NLN: variants seen among roughly 807,000 people sequenced by gnomAD.
NLN encodes the protein neurolysin.
In NLN, 64 loss-of-function variants were observed where a neutral mutation model predicts 79.9. That is an observed-to-expected ratio of 0.80 (90% CI 0.65 to 0.99). NLN has a LOEUF of 0.99. Among genes scored for constraint, NLN ranks in the 50% least tolerant of loss-of-function variants. The pLI is 0.00. For synonymous variants in NLN, 267 were observed against 296.6 expected (o/e 0.90, Z 1.02); for missense variants, 835 against 858.7 (o/e 0.97, Z 0.34).
intron 12 of NLN, among the ~76,000 whole-genome samples, chr5:65,813,561 T>C (rs1579971361): frequency 6.6e-6 from 1 of 152,040 alleles, no homozygotes; most frequent in South Asian, 2.1e-4. Flanking sequence ...ATTCCCCTTA[T>C]TGATTTCCCT....
chr5:65,757,002 C>A (rs1013988282), intron 1 of NLN, among the ~76,000 whole-genome samples: 7 of 152,160 alleles, frequency 4.6e-5, no homozygotes, highest in Non-Finnish European at 8.8e-5. Flanking sequence ...GGGTTCCCTT[C>A]GTTTGGAGTT....
At chr5:65,725,295 G>A (rs1238235074) in intron 1 of NLN, among the ~76,000 whole-genome samples, 1 of 152,146 alleles carries the variant, frequency 6.6e-6, no homozygotes, top group Non-Finnish European at 1.5e-5. Flanking sequence ...AGATAATCAT[G>A]GATGTTCTTT....
intron 1 of NLN, among the ~76,000 whole-genome samples, chr5:65,723,573 G>A (rs1001961155): frequency 2.0e-5 from 3 of 152,092 alleles, no homozygotes; most frequent in Non-Finnish European, 4.4e-5. Flanking sequence ...CCAGCACTTT[G>A]GGAGGCCGAG....
intron 4 of NLN, among the ~76,000 whole-genome samples, chr5:65,778,997 A>G (rs1024158322): frequency 8.5e-5 from 13 of 152,130 alleles, no homozygotes; most frequent in African/African-American, 3.1e-4. Flanking sequence ...TAGAAGTCAC[A>G]CACCTAGAGT....
chr5:65,730,392 G>A (rs252645), intron 1 of NLN, among the ~76,000 whole-genome samples: 82,173 of 151,944 alleles, frequency 0.54, 22,552 homozygotes, highest in South Asian at 0.61. Flanking sequence ...CAGGAGAAAC[G>A]GCACACACCA....
At chr5:65,726,643 T>C (rs1295112469) in intron 1 of NLN, among the ~76,000 whole-genome samples, 3 of 152,230 alleles carry the variant, frequency 2.0e-5, no homozygotes, top group Non-Finnish European at 4.4e-5. Context: ...TCTTTGTTTA[T>C]GCATGGAAGA....
chr5:65,779,263 G>A (rs971718123), intron 4 of NLN, among the ~76,000 whole-genome samples: 1 of 152,090 alleles, frequency 6.6e-6, no homozygotes, highest in Non-Finnish European at 1.5e-5. Flanking sequence ...AACTTCCCTG[G>A]TGATGCTGAT....
rs745638568 is a variant in NLN at position 65,729,564 on chromosome 5, C to T, written c.41+7150C>T. ...TAATATTTTGTATTTTTAGCAGAGACGGGGTTTTACCATGTTGGCTAGGCT... is the reference window on the plus strand; with the variant it reads ...TAATATTTTGTATTTTTAGCAGAGATGGGGTTTTACCATGTTGGCTAGGCT... On this transcript the variant is annotated intron_variant, in intron 1 of 12. Coordinates refer to ENST00000380985, the MANE Select transcript of NLN (RefSeq NM_020726.5). 4.6e-5 allele frequency among the ~76,000 whole-genome samples: 7 copies of T among 151,844 alleles called. No individual in the cohort carries two copies. The East Asian group carries it at 7.7e-4, about 17-fold the overall frequency.
intron 9 of NLN, among the ~76,000 whole-genome samples, chr5:65,795,313 G>C (rs1310390331): frequency 6.6e-6 from 1 of 152,214 alleles, no homozygotes; most frequent in Non-Finnish European, 1.5e-5. Context: ...GTTTGAGCCT[G>C]GAAGGTGGAA....
intron 9 of NLN, among the ~76,000 whole-genome samples, chr5:65,805,953 A>G (rs150929963): frequency 3.0e-4 from 46 of 152,342 alleles, no homozygotes; most frequent in African/African-American, 1.1e-3. Context: ...AAAATTCTAG[A>G]GCCCTTAAGA....
chr5:65,789,717 C>A (rs1760014187), intron 8 of NLN, among the ~76,000 whole-genome samples: 1 of 152,202 alleles, frequency 6.6e-6, no homozygotes, highest in South Asian at 2.1e-4. Flanking sequence ...CACTATACTC[C>A]AGCCAGGGCG....
At chr5:65,758,426 A>G (rs1759266854) in intron 1 of NLN, 141 bp from the exon 2 acceptor site, 2 of 550,184 alleles carry the variant, frequency 3.6e-6, no homozygotes, top group East Asian at 2.9e-5. Context: ...TTTTGTGCAT[A>G]TGTGTTCACC....
Position 65,752,465 on chromosome 5 carries a change from G to A in NLN, c.42-6102G>A, listed in dbSNP as rs540198846. ...CTGTAGGAAAAGACAGGCTCATGCC[G>A]TTTGTCTGCTTTTGACTTATGTAGC... On this transcript the variant is annotated intron_variant, in intron 1 of 12. Coordinates refer to ENST00000380985, the MANE Select transcript of NLN (RefSeq NM_020726.5). Among the ~76,000 whole-genome samples the A allele has an allele frequency of 1.1e-4, 16 of 152,252 alleles. No individual in the cohort carries two copies. The South Asian group carries it at 2.5e-3, about 24-fold the overall frequency.
chr5:65,809,930 T>A (rs1760506446), intron 10 of NLN, 107 bp from the exon 11 acceptor site: 1 of 1,286,534 alleles, frequency 7.8e-7, no homozygotes, highest in Admixed American at 1.9e-5. Context: ...CCTGCTCCCA[T>A]TTTGTGAGTA....
At chr5:65,775,806 G>A (rs1365188674) in intron 3 of NLN, among the ~76,000 whole-genome samples, 2 of 152,196 alleles carry the variant, frequency 1.3e-5, no homozygotes, top group Non-Finnish European at 2.9e-5. Flanking sequence ...TAGCTAGGGA[G>A]GGTTCCAACT....
chr5:65,807,129 A>G (rs540935546), intron 9 of NLN, among the ~76,000 whole-genome samples: 2 of 151,736 alleles, frequency 1.3e-5, no homozygotes, highest in East Asian at 1.9e-4. Context: ...GTGAGCTGAG[A>G]TCATACCACT....
Position 65,792,452 on chromosome 5 carries a change from A to G in NLN, c.1326-2A>G, listed in dbSNP as rs767596497. On this transcript the variant is annotated splice_acceptor_variant, in intron 8 of 12. Transcript: ENST00000380985. LOFTEE classifies it high-confidence loss of function. ...TTGCCAACGCGTGTTTCTGGCTCCTAGGGAAGGAAAATACAATCATGCGGC... is the reference window on the plus strand; with the variant it reads ...TTGCCAACGCGTGTTTCTGGCTCCTGGGGAAGGAAAATACAATCATGCGGC... The G allele has an allele frequency of 3.1e-6, 5 of 1,610,164 alleles. No homozygotes were observed. In the South Asian group the frequency reaches 4.4e-5, roughly 14 times the overall value.
At chr5:65,814,081 C>T (rs1031990589) in intron 12 of NLN, among the ~76,000 whole-genome samples, 1 of 145,734 alleles carries the variant, frequency 6.9e-6, no homozygotes, top group Middle Eastern at 3.8e-3. Context: ...AAAAAACTTG[C>T]TACTGACTCT....
chr5:65,725,202 G>A (rs965715777), intron 1 of NLN, among the ~76,000 whole-genome samples: 1 of 152,154 alleles, frequency 6.6e-6, no homozygotes. Context: ...CTGCTGCACT[G>A]TTTCATTTTG....
Sources: gnomAD v4.1 joint callset for allele counts (sites outside exome capture counted in the v4.1 genomes callset) on GRCh38, gnomAD v4.1.1 for gene constraint, MANE v1.5 for transcripts, NCBI Gene and HGNC (gene_info 2026-07-23, HGNC 2026-07-21) for gene names.